SEMA5A: variants seen among roughly 807,000 people sequenced by gnomAD.
The protein encoded by SEMA5A is semaphorin 5A.
Under a neutral mutation model 135.5 loss-of-function variants are expected in SEMA5A, and 55 were observed. The ratio of observed to expected loss-of-function variants is 0.41; its 90% CI spans 0.33 to 0.51. SEMA5A has a LOEUF of 0.51. Ranked by LOEUF, SEMA5A falls within the 20% of genes least tolerant of loss-of-function variation. The probability of loss-of-function intolerance (pLI) is 0.37; values close to 1 mark genes in which losing one functional copy is unlikely to be tolerated. For missense variants in SEMA5A, 1,290 were observed against 1,419.9 expected (o/e 0.91, Z 1.47); for synonymous variants, 580 against 546.5 (o/e 1.06, Z -0.85).
intron 16 of SEMA5A, among the ~76,000 whole-genome samples, chr5:9,080,172 G>C (rs969764359): frequency 2.0e-5 from 3 of 152,154 alleles, no homozygotes; most frequent in African/African-American, 7.2e-5. Flanking sequence ...TGACAGACTG[G>C]ATTTAAAAAA....
chr5:9,392,968 T>C (rs980843675), intron 2 of SEMA5A, among the ~76,000 whole-genome samples: 1 of 152,240 alleles, frequency 6.6e-6, no homozygotes, highest in Non-Finnish European at 1.5e-5. Context: ...AGGTGAAACT[T>C]AGGAATACAA....
intron 3 of SEMA5A, among the ~76,000 whole-genome samples, chr5:9,361,635 A>G (rs900817689): frequency 2.0e-5 from 3 of 152,202 alleles, no homozygotes; most frequent in Admixed American, 1.3e-4. Flanking sequence ...CACTACGTCT[A>G]TACTCTGTCT....
At chr5:9,142,338 G>A (rs933148939) in intron 12 of SEMA5A, among the ~76,000 whole-genome samples, 2 of 152,162 alleles carry the variant, frequency 1.3e-5, no homozygotes, top group Admixed American at 6.5e-5. Flanking sequence ...AGCACTCAGT[G>A]GGGAGAGAAC....
chr5:9,158,538 T>C (rs1345811508), intron 11 of SEMA5A, among the ~76,000 whole-genome samples: 2 of 151,728 alleles, frequency 1.3e-5, no homozygotes, highest in African/African-American at 4.8e-5. Context: ...TTCCTGTCCA[T>C]TTCAGTTCCC....
chr5:9,079,410 C>G (rs573064772), intron 16 of SEMA5A, among the ~76,000 whole-genome samples: 1 of 152,176 alleles, frequency 6.6e-6, no homozygotes, highest in South Asian at 2.1e-4. Flanking sequence ...ACAGCTAAAG[C>G]AGTGTTTAGA....
intron 2 of SEMA5A, among the ~76,000 whole-genome samples, chr5:9,407,058 T>C (rs1177918025): frequency 3.3e-5 from 5 of 152,236 alleles, no homozygotes; most frequent in Non-Finnish European, 7.3e-5. Flanking sequence ...TGCTTAGCGG[T>C]ATTGCCTGCT....
chr5:9,162,581 TATATACACAC>T (rs1743349593), intron 11 of SEMA5A, among the ~76,000 whole-genome samples: 1 of 115,334 alleles, frequency 8.7e-6, no homozygotes, highest in Non-Finnish European at 1.6e-5. Flanking sequence ...TATATATATA[TATATACACAC>T]ACACACACAA....
intron 3 of SEMA5A, among the ~76,000 whole-genome samples, chr5:9,370,966 A>G (rs960148992): frequency 2.0e-5 from 3 of 152,246 alleles, no homozygotes; most frequent in Non-Finnish European, 2.9e-5. Context: ...AGATTATAAT[A>G]TACTTAAAGA....
At chr5:9,374,192 G>T (rs1755261220) in intron 3 of SEMA5A, among the ~76,000 whole-genome samples, 1 of 152,124 alleles carries the variant, frequency 6.6e-6, no homozygotes, top group African/African-American at 2.4e-5. Context: ...ATAGCAAGCT[G>T]TTAAAGCGTG....
At chr5:9,047,111 A>G (rs1253545061) in intron 21 of SEMA5A, among the ~76,000 whole-genome samples, 5 of 152,230 alleles carry the variant, frequency 3.3e-5, no homozygotes, top group African/African-American at 9.6e-5. Flanking sequence ...CTATACTTAG[A>G]TAAGCAAGAG....
chr5:9,106,823 C>T (rs773581518), intron 16 of SEMA5A, among the ~76,000 whole-genome samples: 2 of 152,146 alleles, frequency 1.3e-5, no homozygotes, highest in Admixed American at 1.3e-4. Flanking sequence ...ACAGTTAGTT[C>T]AGGCTGATCT....
chr5:9,403,573 AC>A (rs1756755637), intron 2 of SEMA5A, among the ~76,000 whole-genome samples: 1 of 152,120 alleles, frequency 6.6e-6, no homozygotes, highest in African/African-American at 2.4e-5. Context: ...AATATTGAAT[AC>A]CCTCCATGCA....
At chr5:9,542,162 G>A (rs1005120966) in intron 1 of SEMA5A, among the ~76,000 whole-genome samples, 62 of 152,080 alleles carry the variant, frequency 4.1e-4, no homozygotes, top group African/African-American at 9.6e-4. Context: ...TTTACCAAGC[G>A]TACCCATATC....
intron 2 of SEMA5A, among the ~76,000 whole-genome samples, chr5:9,384,854 C>G (rs1755820173): frequency 6.6e-6 from 1 of 152,058 alleles, no homozygotes; most frequent in Admixed American, 6.6e-5. Flanking sequence ...ATATAAAACA[C>G]CAAACTAAAT....
At chr5:9,130,056 A>G (rs910579133) in intron 13 of SEMA5A, among the ~76,000 whole-genome samples, 1 of 152,190 alleles carries the variant, frequency 6.6e-6, no homozygotes, top group African/African-American at 2.4e-5. Context: ...ATTTCCCTTC[A>G]TCTAGGAAAT....
intron 5 of SEMA5A, among the ~76,000 whole-genome samples, chr5:9,285,690 C>A (rs1750763162): frequency 6.6e-6 from 1 of 152,160 alleles, no homozygotes; most frequent in African/African-American, 2.4e-5. Flanking sequence ...GGCAAAGGTG[C>A]CTTTTGAAGC....
chr5:9,345,136 TAAACCCACCCC>T (rs1753805421), intron 3 of SEMA5A, among the ~76,000 whole-genome samples: 1 of 152,188 alleles, frequency 6.6e-6, no homozygotes, highest in Admixed American at 6.5e-5. Context: ...AAACATGAGG[TAAACCCACCCC>T]TGTTTCAGAA....
At chr5:9,153,944 G>A (rs973807347) in intron 12 of SEMA5A, among the ~76,000 whole-genome samples, 1 of 150,024 alleles carries the variant, frequency 6.7e-6, no homozygotes, top group African/African-American at 2.5e-5. Flanking sequence ...TACTTGGGAG[G>A]CTGAGGCACG....
At position 9,545,318 on chromosome 5, in the gene SEMA5A, C is replaced by G. The variant is rs575069584; in HGVS notation, c.-175+266G>C. On this transcript the variant is annotated intron_variant, in intron 1 of 22. Transcript: ENST00000382496. The surrounding 1 kb of genome is among the most constrained non-coding windows in gnomAD (Gnocchi z 4.5). ...ACCGCGACACTCCGGCTCCTTACCT[C>G]TCCATGCTCAGACCTCGGCACAGGC... Among the ~76,000 whole-genome samples, 2 of 152,324 alleles carry G rather than the reference C, an allele frequency of 1.3e-5. No individual in the cohort carries two copies. The highest frequency in any genetic ancestry group is 3.9e-4 in the East Asian group (2 of 5,158).
Sources: allele counts gnomAD v4.1 joint callset (sites outside exome capture counted in the v4.1 genomes callset), GRCh38; gene constraint gnomAD v4.1.1; non-coding constraint Gnocchi (gnomAD v3.1); transcripts MANE v1.5; gene names NCBI Gene and HGNC (gene_info 2026-07-23, HGNC 2026-07-21).